Variants in CADM2 observed in about 807,000 individuals in gnomAD.
CADM2 encodes the protein cell adhesion molecule 2, also known as immunoglobulin superfamily member 4D.
CADM2 carries 12 observed loss-of-function variants against 49.8 expected under a neutral mutation model. That is an observed-to-expected ratio of 0.24 (90% CI 0.15 to 0.39). The LOEUF is 0.39. Among genes scored for constraint, CADM2 ranks in the 10% least tolerant of loss-of-function variants. The pLI is 1.00. For missense variants in CADM2, 378 were observed against 492.3 expected (o/e 0.77, Z 2.20); for synonymous variants, 214 against 175.4 (o/e 1.22, Z -1.74).
At chr3:85,449,052 A>T (rs370101852) in intron 1 of CADM2, among the ~76,000 whole-genome samples, 4 of 107,404 alleles carry the variant, frequency 3.7e-5, no homozygotes, top group African/African-American at 1.2e-4. Context: ...TCCAACTCAA[A>T]AATAATAATA....
Position 85,550,546 on chromosome 3 carries a change from G to A in CADM2, c.62-175976G>A, listed in dbSNP as rs140158358. Among the ~76,000 whole-genome samples, 304 of 152,230 alleles carry A rather than the reference G, an allele frequency of 2.0e-3. 1 individual carries two copies. Among genetic ancestry groups the A allele is most frequent in the African/African-American group, 6.9e-3 (288 of 41,524 alleles). ...GAGTCTGGTACACTCTCAAGTTTGG[G>A]AATAACTGATGTAGGTAACACAAAC... On this transcript the variant is annotated intron_variant, in intron 1 of 9. Transcript: ENST00000383699.
intron 1 of CADM2, among the ~76,000 whole-genome samples, chr3:85,270,482 T>C (rs2043215549): frequency 6.6e-6 from 1 of 151,384 alleles, no homozygotes; most frequent in African/African-American, 2.4e-5. Context: ...AAACATTCTG[T>C]TCAGAATACT....
chr3:85,600,757 T>G (rs1477294785), intron 1 of CADM2, among the ~76,000 whole-genome samples: 1 of 151,744 alleles, frequency 6.6e-6, no homozygotes, highest in Admixed American at 6.6e-5. Flanking sequence ...TAAAATTTTC[T>G]GTACATCAGT....
chr3:85,641,795 G>A (rs1445291334), intron 1 of CADM2, among the ~76,000 whole-genome samples: 2 of 151,786 alleles, frequency 1.3e-5, no homozygotes, highest in African/African-American at 4.8e-5. Flanking sequence ...GCCAGGTGTG[G>A]TGGCAGGCGC....
At chr3:84,989,392 G>A (rs1236201836) in intron 1 of CADM2, among the ~76,000 whole-genome samples, 2 of 152,038 alleles carry the variant, frequency 1.3e-5, no homozygotes, top group East Asian at 3.8e-4. Flanking sequence ...AAATAGATAA[G>A]TCTTTAACAA....
chr3:86,018,580 T>G (rs1039629546), intron 8 of CADM2, among the ~76,000 whole-genome samples: 4 of 152,212 alleles, frequency 2.6e-5, no homozygotes, highest in Non-Finnish European at 5.9e-5. Context: ...CTAACTGGTG[T>G]GAGATGGCAT....
At chr3:85,419,771 T>G (rs1046334630) in intron 1 of CADM2, among the ~76,000 whole-genome samples, 1 of 152,172 alleles carries the variant, frequency 6.6e-6, no homozygotes, top group African/African-American at 2.4e-5. Flanking sequence ...CTACAACTAC[T>G]AATAATAAAC....
In CADM2 at chr3:85,092,109, T is replaced by C. The variant is rs188300079; in HGVS notation, c.61+132441T>C. Among the ~76,000 whole-genome samples, 120 of 152,306 alleles carry C rather than the reference T, an allele frequency of 7.9e-4. 1 individual carries two copies. The highest frequency in any genetic ancestry group is 5.9e-5 in the Non-Finnish European group (4 of 68,006). Reference sequence around the variant, plus strand: ...TTTTGTTGGTAGCTTTATAAAGCTTTATAAAGAAGCCACCACTAAATAATA... The same window carrying C: ...TTTTGTTGGTAGCTTTATAAAGCTTCATAAAGAAGCCACCACTAAATAATA... On this transcript the variant is annotated intron_variant, in intron 1 of 9. Coordinates refer to ENST00000383699, the MANE Select transcript of CADM2 (RefSeq NM_001167675.2).
intron 1 of CADM2, among the ~76,000 whole-genome samples, chr3:85,522,624 T>TA (rs757160488): frequency 3.3e-5 from 5 of 152,068 alleles, no homozygotes; most frequent in Admixed American, 6.6e-5. Context: ...ACACATATAT[T>TA]AACTGTTTTT....
intron 1 of CADM2, among the ~76,000 whole-genome samples, chr3:85,466,761 C>A (rs918924754): frequency 2.6e-5 from 4 of 151,500 alleles, no homozygotes; most frequent in Non-Finnish European, 5.9e-5. Context: ...AAATTATTAC[C>A]TTGCTGTATT....
At chr3:85,519,227 C>A (rs866220101) in intron 1 of CADM2, among the ~76,000 whole-genome samples, 1 of 152,002 alleles carries the variant, frequency 6.6e-6, no homozygotes, top group African/African-American at 2.4e-5. Context: ...ACAAGCACCC[C>A]GTTTTTGCCT....
intron 1 of CADM2, among the ~76,000 whole-genome samples, chr3:85,175,539 C>G (rs762293905): frequency 5.9e-5 from 9 of 152,060 alleles, no homozygotes; most frequent in Non-Finnish European, 1.3e-4. Flanking sequence ...CACGATGTTC[C>G]TAGCATAGCC....
chr3:85,608,679 T>C (rs2107439734), intron 1 of CADM2, among the ~76,000 whole-genome samples: 1 of 152,310 alleles, frequency 6.6e-6, no homozygotes, highest in East Asian at 1.9e-4. Flanking sequence ...TATTTTATGC[T>C]GATCAAACTA....
intron 1 of CADM2, among the ~76,000 whole-genome samples, chr3:85,524,737 C>A (rs1264680938): frequency 1.3e-5 from 2 of 152,062 alleles, no homozygotes; most frequent in Admixed American, 6.6e-5. Context: ...AATTTTCAGA[C>A]TGTGATTATG....
At chr3:85,384,692 TGA>T (rs952320939) in intron 1 of CADM2, among the ~76,000 whole-genome samples, 13 of 151,758 alleles carry the variant, frequency 8.6e-5, no homozygotes, top group South Asian at 8.3e-4. Context: ...TGTGTGTGTG[TGA>T]GTGTATACTT....
intron 8 of CADM2, among the ~76,000 whole-genome samples, chr3:86,048,488 A>G (rs1163679007): frequency 2.0e-5 from 3 of 152,060 alleles, no homozygotes; most frequent in Admixed American, 1.3e-4. Flanking sequence ...ATTAATGGCT[A>G]TTACTGTTGT....
At chr3:85,833,645 C>T (rs987940980) in intron 3 of CADM2, among the ~76,000 whole-genome samples, 7 of 151,548 alleles carry the variant, frequency 4.6e-5, no homozygotes, top group Non-Finnish European at 7.4e-5. Flanking sequence ...CATCTTTTCC[C>T]CATTGTGTAT....
intron 2 of CADM2, among the ~76,000 whole-genome samples, chr3:85,777,271 T>TATTATTATTATTA (rs1559649921): frequency 3.3e-5 from 5 of 151,326 alleles, no homozygotes; most frequent in Non-Finnish European, 5.9e-5. Flanking sequence ...TTATTATTAT[T>TATTATTATTATTA]TTGAGGTGGA....
At chr3:85,528,928 A>G (rs964813286) in intron 1 of CADM2, among the ~76,000 whole-genome samples, 1 of 152,208 alleles carries the variant, frequency 6.6e-6, no homozygotes, top group Non-Finnish European at 1.5e-5. Flanking sequence ...TCTCTTTTTG[A>G]TAGAAAGAGG....
Sources: gnomAD v4.1 joint callset for allele counts (sites outside exome capture counted in the v4.1 genomes callset) on GRCh38, gnomAD v4.1.1 for gene constraint, MANE v1.5 for transcripts, NCBI Gene and HGNC (gene_info 2026-07-23, HGNC 2026-07-21) for gene names.